Variants in GSG1L observed in about 807,000 individuals in gnomAD.
The protein encoded by GSG1L is GSG1 like, also known as germ cell-specific gene 1-like protein.
In GSG1L, 24 loss-of-function variants were observed where a neutral mutation model predicts 42.1. That is an observed-to-expected ratio of 0.57 (90% CI 0.41 to 0.80). GSG1L has a LOEUF of 0.80. Among genes scored for constraint, GSG1L ranks in the 30% least tolerant of loss-of-function variants. GSG1L has a pLI of 0.00. For synonymous variants in GSG1L, 215 were observed against 203.5 expected, an observed-to-expected ratio of 1.06 and a Z score of -0.48; for missense variants, 445 against 472.2, an observed-to-expected ratio of 0.94 and a Z score of 0.53.
Position 27,911,067 on chromosome 16 carries a change from G to A in GSG1L, c.398-26429C>T, listed in dbSNP as rs144169434. 1.3e-3 allele frequency among the ~76,000 whole-genome samples: 196 copies of A among 152,142 alleles called. 2 individuals are homozygous for A. The highest frequency in any genetic ancestry group is 3.3e-3 in the African/African-American group (135 of 41,512). On this transcript the variant is annotated intron_variant, in intron 2 of 6. Coordinates refer to ENST00000447459, the MANE Select transcript of GSG1L (RefSeq NM_001109763.2). Reference sequence around the variant, plus strand: ...AAAAAATTCCAGTTCCCTGCCCTGAGCCCCAGTCAAGGGCTGGGGACCTGG... The same window carrying A: ...AAAAAATTCCAGTTCCCTGCCCTGAACCCCAGTCAAGGGCTGGGGACCTGG...
At chr16:27,905,920 G>T (rs529644178) in intron 2 of GSG1L, among the ~76,000 whole-genome samples, 1 of 152,156 alleles carries the variant, frequency 6.6e-6, no homozygotes, top group African/African-American at 2.4e-5. Flanking sequence ...TATCACTGTG[G>T]CAGAGAAGTC....
intron 5 of GSG1L, among the ~76,000 whole-genome samples, chr16:27,814,739 G>A (rs192121110): frequency 6.6e-6 from 1 of 151,360 alleles, no homozygotes; most frequent in East Asian, 1.9e-4. Context: ...GAAGGGAGGT[G>A]AGGGAGGGAG....
chr16:27,846,813 C>G (rs578237633), intron 3 of GSG1L, among the ~76,000 whole-genome samples: 1 of 151,970 alleles, frequency 6.6e-6, no homozygotes, highest in Non-Finnish European at 1.5e-5. Flanking sequence ...AAAAATTACC[C>G]GGGCGTGGTG....
intron 6 of GSG1L, among the ~76,000 whole-genome samples, chr16:27,807,183 C>T (rs542332419): frequency 2.0e-4 from 31 of 152,348 alleles, no homozygotes; most frequent in African/African-American, 7.2e-4. Flanking sequence ...ACTGTCCTCC[C>T]TCAGACCAGT....
chr16:28,056,462 C>A (rs1365968013), intron 1 of GSG1L, among the ~76,000 whole-genome samples: 2 of 106,950 alleles, frequency 1.9e-5, no homozygotes, highest in East Asian at 2.6e-4. Flanking sequence ...CACACCGGGG[C>A]CTGCTGTTGG....
intron 2 of GSG1L, among the ~76,000 whole-genome samples, chr16:27,951,752 G>A (rs764136528): frequency 6.6e-6 from 1 of 152,160 alleles, no homozygotes. Context: ...ATCTATGCAC[G>A]TTTCAGTTCT....
intron 1 of GSG1L, among the ~76,000 whole-genome samples, chr16:27,997,603 C>T (rs2085531582): frequency 6.6e-6 from 1 of 152,004 alleles, no homozygotes; most frequent in African/African-American, 2.4e-5. Flanking sequence ...CGTAAGCTAA[C>T]ACAGTCACGG....
chr16:28,032,010 A>C (rs2085970027), intron 1 of GSG1L, among the ~76,000 whole-genome samples: 1 of 152,228 alleles, frequency 6.6e-6, no homozygotes, highest in South Asian at 2.1e-4. Flanking sequence ...ATTAGGGCTT[A>C]TAATGAAAAA....
At chr16:27,987,731 G>A (rs944823178) in intron 1 of GSG1L, among the ~76,000 whole-genome samples, 8 of 152,018 alleles carry the variant, frequency 5.3e-5, no homozygotes, top group Non-Finnish European at 1.0e-4. Context: ...GGCGGATCAC[G>A]AGGTCAGGAA....
chr16:28,063,097 C>A lies in GSG1L; in HGVS notation c.328G>T (p.Glu110Ter). 2 of 1,437,586 alleles carry A rather than the reference C, an allele frequency of 1.4e-6. No homozygotes were observed. Among genetic ancestry groups the A allele is most frequent in the Non-Finnish European group, 9.2e-7 (1 of 1,089,932 alleles). The allele number at this position is 1,437,586 out of a possible 1,614,324, so 89.1% of individuals were successfully genotyped here. The change falls in exon 1 of 7, where the codon GAG becomes TAG. Residue 110 changes from glutamate (E) to a stop codon, truncating the protein, a stop_gained. Coordinates refer to ENST00000447459, the MANE Select transcript of GSG1L (RefSeq NM_001109763.2). LOFTEE classifies it high-confidence loss of function. The surrounding 1 kb of genome is among the most constrained non-coding windows in gnomAD (Gnocchi z 5.8). ...NFHTGIWYSC[E>*]EELSGLGEKC... ...TCACCAAGCCCGCTGAGCTCCTCCT[C>A]GCACGAGTACCAGATGCCGGTGTGG...
chr16:27,927,231 C>G (rs904720868), intron 2 of GSG1L, among the ~76,000 whole-genome samples: 21 of 152,098 alleles, frequency 1.4e-4, no homozygotes, highest in African/African-American at 4.6e-4. Context: ...CTCACTGCAG[C>G]CTCGACTTCC....
At chr16:27,835,760 T>C (rs999798995) in intron 4 of GSG1L, among the ~76,000 whole-genome samples, 1 of 152,126 alleles carries the variant, frequency 6.6e-6, no homozygotes, top group Non-Finnish European at 1.5e-5. Context: ...GAGTAAAGCA[T>C]AGAAATCTTG....
Position 27,888,491 on chromosome 16 carries a change from CTTTCTTTCTTTCTTTCTTTCTTTCTTT to C in GSG1L, c.398-3880_398-3854del. Among the ~76,000 whole-genome samples the C allele has an allele frequency of 5.5e-3, 33 of 6,002 alleles. 6 individuals carry two copies. The highest frequency in any genetic ancestry group is 0.023 in the Admixed American group (8 of 348). 3.9% of individuals were successfully genotyped at this position (6,002 alleles called of 152,430 possible). A position where few individuals can be genotyped will look rare whatever the true frequency, so the allele number is the denominator to read the frequency against. On this transcript the variant is annotated intron_variant, in intron 2 of 6. Coordinates refer to ENST00000447459, the MANE Select transcript of GSG1L (RefSeq NM_001109763.2). ...CTCTCTCTCTCTCTTTCCTTTCTTTCTTTCTTTCTTTCTTTCTTTCTTTCTTTCTTTCTTTCTTTCTTTCTTTCTTTC... is the reference window on the plus strand; with the variant it reads ...CTCTCTCTCTCTCTTTCCTTTCTTTCCTTTCTTTCTTTCTTTCTTTCTTTC...
At chr16:27,979,748 AGGAAAGAAAGAAAGAAAGAAG>A (rs2085302016) in intron 1 of GSG1L, among the ~76,000 whole-genome samples, 2 of 46,620 alleles carry the variant, frequency 4.3e-5, no homozygotes, top group South Asian at 1.6e-3. Context: ...AAAGAAAGAA[AGGAAAGAAAGAAAGAAAGAAG>A]GAAAGAAAGA....
chr16:27,796,653 T>C (rs1479740633), intron 6 of GSG1L, among the ~76,000 whole-genome samples: 2 of 152,220 alleles, frequency 1.3e-5, no homozygotes, highest in Non-Finnish European at 2.9e-5. Context: ...GGGAAGTTTG[T>C]GTCTTCTGGT....
chr16:27,796,613 G>T (rs2082820257), intron 6 of GSG1L, among the ~76,000 whole-genome samples: 1 of 152,194 alleles, frequency 6.6e-6, no homozygotes, highest in Non-Finnish European at 1.5e-5. Context: ...AGGAGGAAGG[G>T]CAGGCTTGAG....
intron 2 of GSG1L, among the ~76,000 whole-genome samples, chr16:27,910,650 A>C (rs1256705927): frequency 1.3e-5 from 2 of 152,196 alleles, no homozygotes; most frequent in Non-Finnish European, 2.9e-5. Context: ...ACACCCAAAC[A>C]CACACAGGTA....
rs537550544 is a variant in GSG1L at position 28,036,098 on chromosome 16, G to A, written c.349+26978C>T. 3.6e-4 allele frequency among the ~76,000 whole-genome samples: 55 copies of A among 152,262 alleles called. 1 individual carries two copies. The highest frequency in any genetic ancestry group is 1.2e-3 in the African/African-American group (50 of 41,536). On this transcript the variant is annotated intron_variant, in intron 1 of 6. Coordinates refer to ENST00000447459, the MANE Select transcript of GSG1L (RefSeq NM_001109763.2). ...CACACGCAAACTCCCCAAATCATCC[G>A]TGGGATGACAAGGCCTGGGATTACA...
intron 1 of GSG1L, among the ~76,000 whole-genome samples, chr16:28,028,689 T>C (rs1039239958): frequency 6.6e-6 from 1 of 152,132 alleles, no homozygotes; most frequent in African/African-American, 2.4e-5. Flanking sequence ...GGTGCTGATA[T>C]GTTGTTAATG....
Sources: gnomAD v4.1 joint callset for allele counts (sites outside exome capture counted in the v4.1 genomes callset) on GRCh38, gnomAD v4.1.1 for gene constraint, Gnocchi (gnomAD v3.1) non-coding constraint, MANE v1.5 for transcripts, NCBI Gene and HGNC (gene_info 2026-07-23, HGNC 2026-07-21) for gene names.